The following ZNF804B variants were observed in gnomAD, a reference collection of about 807,000 sequenced individuals.
ZNF804B encodes zinc finger 804B.
Under a neutral mutation model 101.4 loss-of-function variants are expected in ZNF804B, and 80 were observed. That is an observed-to-expected ratio of 0.79 (90% CI 0.66 to 0.95). The LOEUF is 0.95. Ranked by LOEUF, ZNF804B falls within the 40% of genes least tolerant of loss-of-function variation. ZNF804B has a pLI of 0.00. For missense variants in ZNF804B, 1,673 were observed against 1,561.9 expected (o/e 1.07, Z -1.20); for synonymous variants, 622 against 558.8 (o/e 1.11, Z -1.59).
chr7:88,998,685 G>A (rs1258771180), intron 1 of ZNF804B, among the ~76,000 whole-genome samples: 1 of 151,984 alleles, frequency 6.6e-6, no homozygotes, highest in Non-Finnish European at 1.5e-5. Context: ...AAAACCTGGA[G>A]AAATTGATGG....
At chr7:88,766,484 A>G (rs1403491959) in intron 1 of ZNF804B, among the ~76,000 whole-genome samples, 1 of 152,208 alleles carries the variant, frequency 6.6e-6, no homozygotes, top group Non-Finnish European at 1.5e-5. Flanking sequence ...AACTGATAAT[A>G]TATTTTTCTC....
At chr7:89,058,530 A>G (rs1217864909) in intron 1 of ZNF804B, among the ~76,000 whole-genome samples, 1 of 152,152 alleles carries the variant, frequency 6.6e-6, no homozygotes, top group East Asian at 1.9e-4. Context: ...GTTTTTATTT[A>G]GAAACAAGCA....
intron 1 of ZNF804B, among the ~76,000 whole-genome samples, chr7:89,052,905 G>A (rs10234072): frequency 0.3 from 44,865 of 152,026 alleles, 6,973 homozygotes; most frequent in East Asian, 0.52. Context: ...AGACATATTT[G>A]GGCTTTCACA....
chr7:88,872,124 T>C (rs1372592956), intron 1 of ZNF804B, among the ~76,000 whole-genome samples: 2 of 152,234 alleles, frequency 1.3e-5, no homozygotes, highest in African/African-American at 4.8e-5. Context: ...CTTAAGTGTC[T>C]CAGGGGAACT....
intron 2 of ZNF804B, among the ~76,000 whole-genome samples, chr7:89,241,097 T>C (rs923602930): frequency 2.5e-4 from 38 of 152,140 alleles, no homozygotes; most frequent in African/African-American, 9.2e-4. Context: ...CGTTTTTGTT[T>C]TTACTGTTGT....
In ZNF804B at chr7:89,336,007, TCA is replaced by T; in HGVS notation, c.3032_3033del (p.Thr1011LysfsTer2). On this transcript the variant is annotated frameshift_variant, in exon 4 of 4. Transcript: ENST00000333190. LOFTEE classifies it high-confidence loss of function. ...RTTEKDKSKS[S>X]HTNNFTILAD... ...TACGGAGAAAGACAAAAGCAAAAGT[TCA>T]CACACAAATAATTTTACAATTTTAG... 1.2e-6 allele frequency: 2 copies of T among 1,613,942 alleles called. No homozygotes were observed. The highest frequency in any genetic ancestry group is 1.7e-6 in the Non-Finnish European group (2 of 1,179,978).
At chr7:89,055,772 T>C (rs1789282291) in intron 1 of ZNF804B, among the ~76,000 whole-genome samples, 1 of 151,952 alleles carries the variant, frequency 6.6e-6, no homozygotes, top group African/African-American at 2.4e-5. Flanking sequence ...GGAGGTTTGC[T>C]GCAAAAAATC....
chr7:89,156,023 T>TCTTC (rs1584021017), intron 1 of ZNF804B, among the ~76,000 whole-genome samples: 1 of 30,022 alleles, frequency 3.3e-5, no homozygotes, highest in African/African-American at 1.2e-4. Flanking sequence ...CTCTTTCCTT[T>TCTTC]CTTTCTTTCT....
intron 1 of ZNF804B, among the ~76,000 whole-genome samples, chr7:88,908,207 T>C (rs1042953540): frequency 6.6e-6 from 1 of 151,804 alleles, no homozygotes; most frequent in Non-Finnish European, 1.5e-5. Flanking sequence ...TAAGATACAT[T>C]ACACAGATCA....
chr7:88,992,758 T>A (rs961188395), intron 1 of ZNF804B, among the ~76,000 whole-genome samples: 1 of 152,066 alleles, frequency 6.6e-6, no homozygotes, highest in Non-Finnish European at 1.5e-5. Context: ...GTCCCAGATA[T>A]TAGGATACAG....
chr7:88,935,534 T>A (rs968533033), intron 1 of ZNF804B, among the ~76,000 whole-genome samples: 4 of 136,076 alleles, frequency 2.9e-5, no homozygotes, highest in Non-Finnish European at 4.9e-5. Flanking sequence ...TTTTTATTAA[T>A]TTTTTTTTAA....
intron 2 of ZNF804B, among the ~76,000 whole-genome samples, chr7:89,318,028 A>C (rs573103513): frequency 2.6e-5 from 4 of 152,230 alleles, no homozygotes; most frequent in African/African-American, 9.6e-5. Context: ...CAAGGCCTAG[A>C]TCAGGGATCA....
intron 2 of ZNF804B, among the ~76,000 whole-genome samples, chr7:89,272,276 A>G (rs575093782): frequency 6.6e-6 from 1 of 152,226 alleles, no homozygotes; most frequent in South Asian, 2.1e-4. Flanking sequence ...GTCAATAAAT[A>G]TGTGTTGCAT....
chr7:88,888,308 C>T (rs1792164151), intron 1 of ZNF804B, among the ~76,000 whole-genome samples: 1 of 152,118 alleles, frequency 6.6e-6, no homozygotes, highest in African/African-American at 2.4e-5. Context: ...AAGAGAATCA[C>T]TTGAACCTGG....
At chr7:88,888,095 A>G (rs1039975277) in intron 1 of ZNF804B, among the ~76,000 whole-genome samples, 1 of 152,106 alleles carries the variant, frequency 6.6e-6, no homozygotes, top group Non-Finnish European at 1.5e-5. Flanking sequence ...GATAATTTTA[A>G]AAATTTAGTT....
chr7:89,165,166 G>T (rs1013714014), intron 1 of ZNF804B, among the ~76,000 whole-genome samples: 29 of 152,060 alleles, frequency 1.9e-4, no homozygotes, highest in African/African-American at 6.3e-4. Context: ...GCTAAAAAAA[G>T]AAATCAATTT....
chr7:88,785,722 T>C (rs1195824072), intron 1 of ZNF804B, among the ~76,000 whole-genome samples: 2 of 152,128 alleles, frequency 1.3e-5, no homozygotes, highest in African/African-American at 4.8e-5. Flanking sequence ...CACAGTATGC[T>C]TCTTCTTGCC....
intron 1 of ZNF804B, among the ~76,000 whole-genome samples, chr7:89,041,900 G>T (rs927119837): frequency 6.6e-6 from 1 of 152,142 alleles, no homozygotes; most frequent in Non-Finnish European, 1.5e-5. Context: ...TAATGTTTCT[G>T]TAAGGGAATC....
intron 1 of ZNF804B, among the ~76,000 whole-genome samples, chr7:88,763,992 A>C (rs1321243896): frequency 6.6e-6 from 1 of 152,170 alleles, no homozygotes; most frequent in Non-Finnish European, 1.5e-5. Flanking sequence ...TAATTAAGCT[A>C]TTCATTGAGA....
Sources: gnomAD v4.1 joint callset for allele counts (sites outside exome capture counted in the v4.1 genomes callset) on GRCh38, gnomAD v4.1.1 for gene constraint, MANE v1.5 for transcripts, NCBI Gene and HGNC (gene_info 2026-07-23, HGNC 2026-07-21) for gene names.